The following CUL3 variants were observed in gnomAD, a reference collection of about 807,000 sequenced individuals.
The protein encoded by CUL3 is cullin 3.
Under a neutral mutation model 89.1 loss-of-function variants are expected in CUL3, and 19 were observed. The observed-to-expected ratio is 0.21, with a 90% CI of 0.15 to 0.31. The LOEUF is 0.31. Among genes scored for constraint, CUL3 ranks in the 10% least tolerant of loss-of-function variants. The probability of loss-of-function intolerance (pLI) is 1.00; values close to 1 mark genes in which losing one functional copy is unlikely to be tolerated. For synonymous variants in CUL3, 351 were observed against 308.4 expected, an observed-to-expected ratio of 1.14 and a Z score of -1.45; for missense variants, 469 against 942.3, an observed-to-expected ratio of 0.50 and a Z score of 6.58.
chr2:224,498,587 A>G (rs1386172319), intron 11 of CUL3, among the ~76,000 whole-genome samples: 2 of 152,218 alleles, frequency 1.3e-5, no homozygotes, highest in Non-Finnish European at 2.9e-5. Context: ...CTAAACCAGT[A>G]GGATCAGGCA....
intron 2 of CUL3, among the ~76,000 whole-genome samples, chr2:224,538,413 A>G (rs1015291932): frequency 6.6e-6 from 1 of 152,232 alleles, no homozygotes; most frequent in Admixed American, 6.5e-5. Flanking sequence ...TAAGTGAAAA[A>G]AGGATCTTTA....
chr2:224,516,793 C>A (rs969558224), intron 3 of CUL3, among the ~76,000 whole-genome samples: 4 of 151,776 alleles, frequency 2.6e-5, no homozygotes, highest in Admixed American at 6.6e-5. Flanking sequence ...ATTACAGGCA[C>A]CCGCCACCAT....
chr2:224,526,666 T>C (rs1693492796), intron 3 of CUL3, among the ~76,000 whole-genome samples: 1 of 151,430 alleles, frequency 6.6e-6, no homozygotes, highest in Non-Finnish European at 1.5e-5. Context: ...TACTTCATGT[T>C]AGGCAGTGTA....
rs1021152447 is a variant in CUL3, at chr2:224,550,907, C to T, written c.264+6752G>A. Among the ~76,000 whole-genome samples, 5 of 152,180 alleles carry T rather than the reference C, an allele frequency of 3.3e-5. No individual in the cohort carries two copies. The East Asian group carries it at 9.7e-4, about 29-fold the overall frequency. ...AACGTACATATAATTAATTACAAAG[C>T]CTTCTGCCATGGCTTCAAGGTCTGG... is the stretch of plus-strand genomic sequence containing the variant. On this transcript the variant is annotated intron_variant, in intron 2 of 15. Transcript: ENST00000264414.
intron 6 of CUL3, among the ~76,000 whole-genome samples, chr2:224,510,252 G>A (rs1298451975): frequency 6.8e-6 from 1 of 146,484 alleles, no homozygotes; most frequent in African/African-American, 2.5e-5. Flanking sequence ...TACAAAAAAG[G>A]TTTAACTGAA....
At position 224,472,566 on chromosome 2, in the gene CUL3, A is replaced by ATTAC. The variant is rs1559331412; in HGVS notation, c.*1678_*1679insGTAA. 5.4e-6 allele frequency: 1 copy of ATTAC among 186,756 alleles called. No homozygotes were observed. The highest frequency in any genetic ancestry group is 1.1e-5 in the Non-Finnish European group (1 of 88,502). The allele number at this position is 186,756 out of a possible 1,614,324, so 11.6% of individuals were successfully genotyped here. On this transcript the variant is annotated 3_prime_UTR_variant, in exon 16 of 16. Transcript: ENST00000264414. ...CTTAGTACTACTCAAGTATGGTAAA[A>ATTAC]GTGTCCTGAGAATAATGTTCACAAT...
intron 3 of CUL3, among the ~76,000 whole-genome samples, chr2:224,529,498 G>A (rs936482928): frequency 6.6e-6 from 1 of 151,594 alleles, no homozygotes; most frequent in East Asian, 1.9e-4. Flanking sequence ...GTGTGGTGGT[G>A]GGTGCCTGTA....
In CUL3 at chr2:224,585,192, G is replaced by T; in HGVS notation, c.-183C>A. The T allele has an allele frequency of 3.2e-6, 1 of 309,692 alleles. No individual in the cohort carries two copies. The highest frequency in any genetic ancestry group is 5.6e-6 in the Non-Finnish European group (1 of 179,912). 19.2% of individuals were successfully genotyped at this position (309,692 alleles called of 1,614,324 possible). On this transcript the variant is annotated 5_prime_UTR_variant, in exon 1 of 16. Coordinates refer to ENST00000264414, the MANE Select transcript of CUL3 (RefSeq NM_003590.5). ...CGGCGGCGGGGGCGGCGGCGGCGGC[G>T]GCGGCGGCTCGGACTCTGGCGACTC...
chr2:224,583,759 A>G (rs897080235), intron 1 of CUL3, among the ~76,000 whole-genome samples: 2 of 152,302 alleles, frequency 1.3e-5, no homozygotes, highest in Non-Finnish European at 2.9e-5. Context: ...TGTTCTCTGA[A>G]ACTAAATCAC....
At chr2:224,569,541 G>A in intron 1 of CUL3, 1 of 243,092 alleles carries the variant, frequency 4.1e-6, no homozygotes, top group Non-Finnish European at 6.6e-6. Context: ...TTTCCCATCA[G>A]AAAAGTATCA....
At chr2:224,575,164 C>T (rs1257133634) in intron 1 of CUL3, among the ~76,000 whole-genome samples, 1 of 152,182 alleles carries the variant, frequency 6.6e-6, no homozygotes, top group Non-Finnish European at 1.5e-5. Context: ...CCTTTTCACA[C>T]TGATGTAGTA....
chr2:224,475,178 C>T (rs578017508), intron 15 of CUL3, among the ~76,000 whole-genome samples: 13 of 152,172 alleles, frequency 8.5e-5, no homozygotes, highest in Admixed American at 2.0e-4. Flanking sequence ...CCACCACACC[C>T]GGCTAATTTT....
intron 3 of CUL3, among the ~76,000 whole-genome samples, chr2:224,534,635 C>A (rs1693816614): frequency 6.6e-6 from 1 of 151,976 alleles, no homozygotes; most frequent in Non-Finnish European, 1.5e-5. Context: ...AAAATTAAAT[C>A]ATTCCCTTTC....
chr2:224,473,576 A>T lies in CUL3; in HGVS notation c.*669T>A, dbSNP rs147054027. The T allele has an allele frequency of 1.1e-5, 2 of 184,678 alleles. No homozygotes were observed. The highest frequency in any genetic ancestry group is 4.7e-5 in the African/African-American group (2 of 42,628). The allele number at this position is 184,678 out of a possible 1,614,324, so 11.4% of individuals were successfully genotyped here. On this transcript the variant is annotated 3_prime_UTR_variant, in exon 16 of 16. Transcript: ENST00000264414. The stretch of plus-strand genomic sequence containing the variant: ...TAACTCAGAACAAAACCTAATCATT[A>T]TAAGACTTAATTTGGGAAATCTCAA...
rs1165128140 is a variant in CUL3, at chr2:224,557,818, G to T, written c.105C>A (p.Asp35Glu). 4 of 1,431,784 alleles carry T rather than the reference G, an allele frequency of 2.8e-6. No homozygotes were observed. In the East Asian group the frequency reaches 1.2e-4, roughly 41 times the overall value. 88.7% of individuals were successfully genotyped at this position (1,431,784 alleles called of 1,614,324 possible). A position where few individuals can be genotyped will look rare whatever the true frequency, so the allele number is the denominator to read the frequency against. Residue 35 changes from aspartate to glutamate, a missense_variant, in exon 2 of 16, where the codon GAC (aspartate) becomes GAA (glutamate). Asp to Glu is a conservative substitution (Grantham distance 45, BLOSUM62 2). Coordinates refer to ENST00000264414, the MANE Select transcript of CUL3 (RefSeq NM_003590.5). ...MDEKYVNSIW[D>E]LLKNAIQEIQ... The stretch of plus-strand genomic sequence containing the variant: ...TTTCTTGAATTGCATTTTTCAGAAG[G>T]TCCCAAATGCTGTTTACATATTTTT...
intron 2 of CUL3, among the ~76,000 whole-genome samples, chr2:224,549,352 A>G (rs940890842): frequency 5.3e-5 from 8 of 151,820 alleles, no homozygotes; most frequent in African/African-American, 1.9e-4. Context: ...AAATTGAAAC[A>G]TTTTTATTCA....
intron 3 of CUL3, among the ~76,000 whole-genome samples, chr2:224,520,257 C>CT (rs779428425): frequency 2.6e-5 from 4 of 152,192 alleles, no homozygotes; most frequent in Non-Finnish European, 5.9e-5. Context: ...TCAAGGGTTG[C>CT]TATTCCTTGG....
intron 2 of CUL3, among the ~76,000 whole-genome samples, chr2:224,536,756 C>G (rs934995606): frequency 2.6e-5 from 4 of 152,172 alleles, no homozygotes; most frequent in Non-Finnish European, 5.9e-5. Flanking sequence ...TAGTACCATC[C>G]TCTCTGATAA....
intron 2 of CUL3, among the ~76,000 whole-genome samples, chr2:224,551,665 T>A (rs1049720116): frequency 6.6e-6 from 1 of 152,104 alleles, no homozygotes; most frequent in Non-Finnish European, 1.5e-5. Flanking sequence ...TAAAGTAAAG[T>A]TTTACTGGAA....
Sources: gnomAD v4.1 joint callset for allele counts (sites outside exome capture counted in the v4.1 genomes callset) on GRCh38, gnomAD v4.1.1 for gene constraint, MANE v1.5 for transcripts, NCBI Gene and HGNC (gene_info 2026-07-23, HGNC 2026-07-21) for gene names.